Variants in DAB1 observed in about 807,000 individuals in gnomAD.
DAB1 encodes DAB adaptor protein 1, also known as disabled homolog 1.
DAB1 carries 15 observed loss-of-function variants against 64.6 expected under a neutral mutation model. That is an observed-to-expected ratio of 0.23 (90% CI 0.16 to 0.36). DAB1 has a LOEUF of 0.36. Ranked by LOEUF, DAB1 falls within the 10% of genes least tolerant of loss-of-function variation. DAB1 has a pLI of 1.00. For synonymous variants in DAB1, 235 were observed against 251.9 expected, an observed-to-expected ratio of 0.93 and a Z score of 0.64; for missense variants, 596 against 706.7, an observed-to-expected ratio of 0.84 and a Z score of 1.78.
At chr1:57,697,586 C>T (rs1646860127) in intron 6 of DAB1, among the ~76,000 whole-genome samples, 1 of 152,128 alleles carries the variant, frequency 6.6e-6, no homozygotes, top group African/African-American at 2.4e-5. Flanking sequence ...TCATTAACAT[C>T]TCAAGACCTA....
chr1:57,199,716 C>T (rs1364808252), intron 2 of DAB1, among the ~76,000 whole-genome samples: 2 of 152,098 alleles, frequency 1.3e-5, no homozygotes, highest in Non-Finnish European at 2.9e-5. Flanking sequence ...GTCAGAAGTC[C>T]GAGGCCCAAC....
intron 4 of DAB1, among the ~76,000 whole-genome samples, chr1:58,305,155 C>A (rs1225086896): frequency 3.9e-5 from 6 of 152,134 alleles, no homozygotes; most frequent in African/African-American, 1.4e-4. Flanking sequence ...CAGTCTTGAG[C>A]CCCTGGGTTC....
intron 4 of DAB1, among the ~76,000 whole-genome samples, chr1:57,119,753 C>A (rs1656464705): frequency 6.6e-6 from 1 of 152,024 alleles, no homozygotes; most frequent in African/African-American, 2.4e-5. Context: ...TCATCTTGTC[C>A]ATCCCCAACC....
chr1:58,068,971 C>T (rs1346499648), intron 5 of DAB1, among the ~76,000 whole-genome samples: 1 of 152,040 alleles, frequency 6.6e-6, no homozygotes, highest in Admixed American at 6.6e-5. Flanking sequence ...AGGGCTCTGA[C>T]CCTGGAGGGC....
At chr1:57,138,176 C>T (rs1343874004) in intron 3 of DAB1, among the ~76,000 whole-genome samples, 3 of 152,200 alleles carry the variant, frequency 2.0e-5, no homozygotes, top group African/African-American at 7.2e-5. Context: ...CTCTTTCACA[C>T]ATCACCCATT....
intron 4 of DAB1, among the ~76,000 whole-genome samples, chr1:58,286,405 C>T (rs1661683439): frequency 6.6e-6 from 1 of 152,172 alleles, no homozygotes; most frequent in Admixed American, 6.5e-5. Context: ...GAAATGTTTG[C>T]AGTCTATCCA....
chr1:57,110,917 C>A (rs1655601390), intron 4 of DAB1, among the ~76,000 whole-genome samples: 1 of 152,004 alleles, frequency 6.6e-6, no homozygotes, highest in Non-Finnish European at 1.5e-5. Flanking sequence ...TCCTGCCTAA[C>A]TCCAGCCTTG....
intron 1 of DAB1, among the ~76,000 whole-genome samples, chr1:58,530,092 A>C (rs1024345148): frequency 2.0e-5 from 3 of 152,188 alleles, no homozygotes; most frequent in African/African-American, 7.2e-5. Context: ...CACGTTAGCC[A>C]GGATGGTCTC....
intron 9 of DAB1, among the ~76,000 whole-genome samples, chr1:57,043,568 C>T (rs766333257): frequency 7.2e-5 from 11 of 152,178 alleles, no homozygotes; most frequent in African/African-American, 1.2e-4. Flanking sequence ...CAGATGAGGC[C>T]GGGCGCGGCG....
intron 1 of DAB1, among the ~76,000 whole-genome samples, chr1:57,358,678 T>G (rs1679312419): frequency 6.6e-6 from 1 of 152,028 alleles, no homozygotes; most frequent in Non-Finnish European, 1.5e-5. Flanking sequence ...AAAACAATCT[T>G]GAGTTAAAAG....
chr1:57,486,619 T>C (rs993656748), intron 7 of DAB1, among the ~76,000 whole-genome samples: 2 of 152,154 alleles, frequency 1.3e-5, no homozygotes, highest in Non-Finnish European at 2.9e-5. Flanking sequence ...TAATAGTTTT[T>C]GAGATATATG....
chr1:58,194,964 T>C (rs1424460625), intron 4 of DAB1, among the ~76,000 whole-genome samples: 3 of 152,254 alleles, frequency 2.0e-5, no homozygotes, highest in South Asian at 2.1e-4. Flanking sequence ...GTACTTTCTA[T>C]GTCTTTGTCT....
chr1:57,962,535 G>A (rs61486945), intron 5 of DAB1, among the ~76,000 whole-genome samples: 1 of 152,094 alleles, frequency 6.6e-6, no homozygotes. Flanking sequence ...TCACTGAAAT[G>A]TTGGTTCAGG....
chr1:57,312,503 C>A lies in DAB1; in HGVS notation c.-136-21337G>T, dbSNP rs144204560. On this transcript the variant is annotated intron_variant, in intron 1 of 14. Coordinates refer to ENST00000371236, the MANE Select transcript of DAB1 (RefSeq NM_001365792.1). Reference sequence around the variant, plus strand: ...ATTTTATCTAAGCAGATGCCGTCTACAATAATTTAGAAATCTCTTCCTAAT... The same window carrying A: ...ATTTTATCTAAGCAGATGCCGTCTAAAATAATTTAGAAATCTCTTCCTAAT... 3.6e-4 allele frequency among the ~76,000 whole-genome samples: 55 copies of A among 152,290 alleles called. No homozygotes were observed. In the East Asian group the frequency reaches 7.9e-3, roughly 22 times the overall value.
intron 3 of DAB1, among the ~76,000 whole-genome samples, chr1:58,388,983 T>A (rs1266687405): frequency 6.6e-6 from 1 of 152,156 alleles, no homozygotes; most frequent in African/African-American, 2.4e-5. Flanking sequence ...GAAAAAGACA[T>A]GGTGCACATG....
intron 4 of DAB1, among the ~76,000 whole-genome samples, chr1:58,246,056 G>A (rs1426424639): frequency 6.6e-6 from 1 of 151,908 alleles, no homozygotes; most frequent in African/African-American, 2.4e-5. Context: ...TGGGGGAAGG[G>A]GTTGTCACTT....
At chr1:57,765,083 A>C (rs1229132048) in intron 6 of DAB1, among the ~76,000 whole-genome samples, 1 of 152,208 alleles carries the variant, frequency 6.6e-6, no homozygotes, top group African/African-American at 2.4e-5. Flanking sequence ...GTTCTAGCCC[A>C]ATGTTCACAG....
intron 3 of DAB1, among the ~76,000 whole-genome samples, chr1:58,353,070 C>T (rs958488291): frequency 2.6e-5 from 4 of 152,086 alleles, no homozygotes; most frequent in Admixed American, 1.3e-4. Flanking sequence ...AGTTATGCCA[C>T]GCTGCCGAAT....
intron 1 of DAB1, among the ~76,000 whole-genome samples, chr1:57,870,467 C>T (rs958171363): frequency 1.3e-5 from 2 of 152,098 alleles, no homozygotes; most frequent in African/African-American, 4.8e-5. Flanking sequence ...TAGACTTGTA[C>T]TGGAATCTCA....
Sources: allele counts gnomAD v4.1 joint callset (sites outside exome capture counted in the v4.1 genomes callset), GRCh38; gene constraint gnomAD v4.1.1; transcripts MANE v1.5; gene names NCBI Gene and HGNC (gene_info 2026-07-23, HGNC 2026-07-21).